PPP3CA: variants seen among roughly 807,000 people sequenced by gnomAD.
PPP3CA encodes the protein protein phosphatase 3 catalytic subunit alpha.
PPP3CA carries 14 observed loss-of-function variants against 66.5 expected under a neutral mutation model. The ratio of observed to expected loss-of-function variants is 0.21; its 90% CI spans 0.14 to 0.33. The LOEUF is 0.33. Ranked by LOEUF, PPP3CA falls within the 10% of genes least tolerant of loss-of-function variation. PPP3CA has a pLI of 1.00. For missense variants in PPP3CA, 317 were observed against 639.5 expected, an observed-to-expected ratio of 0.50 and a Z score of 5.44; for synonymous variants, 232 against 226.2, an observed-to-expected ratio of 1.03 and a Z score of -0.23.
chr4:101,162,549 A>AAATG (rs1164824101), intron 2 of PPP3CA, among the ~76,000 whole-genome samples: 1 of 140,190 alleles, frequency 7.1e-6, no homozygotes, highest in African/African-American at 2.9e-5. Flanking sequence ...ATAAATAAAT[A>AAATG]AATAAATAAA....
At chr4:101,087,627 A>C (rs867771962) in intron 6 of PPP3CA, among the ~76,000 whole-genome samples, 2 of 151,976 alleles carry the variant, frequency 1.3e-5, no homozygotes, top group Non-Finnish European at 2.9e-5. Flanking sequence ...ATCTTCAACC[A>C]TGTTGTTATG....
At chr4:101,320,476 G>GTATGTATGTATGTA (rs1553941676) in intron 1 of PPP3CA, among the ~76,000 whole-genome samples, 13 of 116,764 alleles carry the variant, frequency 1.1e-4, no homozygotes, top group African/African-American at 5.2e-4. Context: ...ATGTATGTAT[G>GTATGTATGTATGTA]TGTGTGTGTG....
intron 13 of PPP3CA, among the ~76,000 whole-genome samples, chr4:101,027,917 A>ATACT (rs933862431): frequency 2.6e-5 from 4 of 152,200 alleles, no homozygotes; most frequent in Non-Finnish European, 5.9e-5. Context: ...CATTGGTAGT[A>ATACT]TACTTAACAC....
chr4:101,297,888 C>A (rs1221942400), intron 1 of PPP3CA, among the ~76,000 whole-genome samples: 1 of 152,064 alleles, frequency 6.6e-6, no homozygotes, highest in Non-Finnish European at 1.5e-5. Flanking sequence ...CTTATTGTTT[C>A]TTTTGAATAG....
chr4:101,074,997 A>T (rs745576826), intron 8 of PPP3CA, among the ~76,000 whole-genome samples: 6 of 152,198 alleles, frequency 3.9e-5, no homozygotes, highest in Non-Finnish European at 8.8e-5. Context: ...AAGCAAAGGC[A>T]TGTCTTATAT....
chr4:101,057,614 C>A lies in PPP3CA; in HGVS notation c.1156+3473G>T, dbSNP rs184494009. Among the ~76,000 whole-genome samples the A allele has an allele frequency of 5.3e-5, 8 of 152,192 alleles. No individual in the cohort carries two copies. In the East Asian group the frequency reaches 1.5e-3, roughly 29 times the overall value. ...ACACTAATGCTGGCCCGGCAGTTTC[C>A]AAATTCAATGGAGAGGCATTCAGCA... On this transcript the variant is annotated intron_variant, in intron 10 of 13. Coordinates refer to ENST00000394854, the MANE Select transcript of PPP3CA (RefSeq NM_000944.5).
intron 2 of PPP3CA, among the ~76,000 whole-genome samples, chr4:101,166,957 T>C (rs1723712580): frequency 6.6e-6 from 1 of 152,200 alleles, no homozygotes; most frequent in Non-Finnish European, 1.5e-5. Flanking sequence ...CACACAGCCA[T>C]TTTCTTAGTC....
intron 1 of PPP3CA, among the ~76,000 whole-genome samples, chr4:101,273,964 A>T (rs1727412606): frequency 6.6e-6 from 1 of 152,150 alleles, no homozygotes; most frequent in Admixed American, 6.5e-5. Context: ...CTGAAAAAAA[A>T]TCTTTATACA....
intron 2 of PPP3CA, among the ~76,000 whole-genome samples, chr4:101,121,439 TAA>T (rs1472899545): frequency 1.3e-5 from 2 of 152,112 alleles, no homozygotes; most frequent in African/African-American, 2.4e-5. Flanking sequence ...TTTTAAGACA[TAA>T]GTGTCTTTAA....
rs574737145 is a variant in PPP3CA, at chr4:101,205,596, AC to A, written c.59-9481del. Among the ~76,000 whole-genome samples, 11 of 152,206 alleles carry A rather than the reference AC, an allele frequency of 7.2e-5. No homozygotes were observed. In the South Asian group the frequency reaches 2.3e-3, roughly 32 times the overall value. ...AAAAAAAAATCTATTCCCACACATA[AC>A]TTGTTCCTTTTACCTTCTTCATTCA... On this transcript the variant is annotated intron_variant, in intron 1 of 13. Transcript: ENST00000394854.
Position 101,244,307 on chromosome 4 carries a change from A to T in PPP3CA, c.59-48191T>A, listed in dbSNP as rs538618957. Among the ~76,000 whole-genome samples, 159 of 152,334 alleles carry T rather than the reference A, an allele frequency of 1.0e-3. 3 individuals carry two copies. The South Asian group carries it at 0.031, about 30-fold the overall frequency. The stretch of plus-strand genomic sequence containing the variant: ...ACTCTTTACCACACAAAAGTAACTT[A>T]GAGTCCACACACTTCTAAGGGATCT... On this transcript the variant is annotated intron_variant, in intron 1 of 13. Transcript: ENST00000394854.
At chr4:101,124,795 GAAA>G (rs1381267468) in intron 2 of PPP3CA, among the ~76,000 whole-genome samples, 8 of 113,616 alleles carry the variant, frequency 7.0e-5, no homozygotes, top group African/African-American at 2.6e-4. Context: ...AAGAAAGAAA[GAAA>G]GAGAAAACTG....
At chr4:101,322,652 C>A (rs1230728968) in intron 1 of PPP3CA, among the ~76,000 whole-genome samples, 1 of 152,014 alleles carries the variant, frequency 6.6e-6, no homozygotes, top group East Asian at 1.9e-4. Flanking sequence ...TCAGGTGATC[C>A]GTCCGACCCA....
chr4:101,176,307 G>A (rs1013828419), intron 2 of PPP3CA, among the ~76,000 whole-genome samples: 1 of 152,146 alleles, frequency 6.6e-6, no homozygotes, highest in Non-Finnish European at 1.5e-5. Context: ...TTTTAATACA[G>A]CCAACAGAAA....
chr4:101,047,408 T>C (rs763814898), intron 10 of PPP3CA, among the ~76,000 whole-genome samples: 1 of 152,146 alleles, frequency 6.6e-6, no homozygotes. Context: ...GTTGTAAACA[T>C]TATGAGATTA....
intron 1 of PPP3CA, among the ~76,000 whole-genome samples, chr4:101,298,594 T>C (rs765517671): frequency 1.3e-5 from 2 of 152,064 alleles, no homozygotes; most frequent in Non-Finnish European, 2.9e-5. Context: ...TGCATAGTAA[T>C]TTTCTCTTCC....
chr4:101,269,827 A>T (rs935073890), intron 1 of PPP3CA, among the ~76,000 whole-genome samples: 13 of 152,164 alleles, frequency 8.5e-5, no homozygotes, highest in Non-Finnish European at 1.9e-4. Context: ...GCAGTACTAC[A>T]GAAATGCAAC....
intron 1 of PPP3CA, among the ~76,000 whole-genome samples, chr4:101,286,158 AGAAT>A (rs1727841745): frequency 1.3e-5 from 2 of 152,146 alleles, no homozygotes; most frequent in Non-Finnish European, 2.9e-5. Context: ...TTCTCCAAGG[AGAAT>A]CAAATGCCAC....
chr4:101,189,642 T>C (rs1314507581), intron 2 of PPP3CA, among the ~76,000 whole-genome samples: 1 of 132,886 alleles, frequency 7.5e-6, no homozygotes, highest in East Asian at 2.3e-4. Flanking sequence ...CAGGGTTATG[T>C]GAACACTAAG....
Sources: gnomAD v4.1 joint callset for allele counts (sites outside exome capture counted in the v4.1 genomes callset) on GRCh38, gnomAD v4.1.1 for gene constraint, MANE v1.5 for transcripts, NCBI Gene and HGNC (gene_info 2026-07-23, HGNC 2026-07-21) for gene names.